Variants in SNRNP200 observed in about 807,000 individuals in gnomAD.
The protein encoded by SNRNP200 is small nuclear ribonucleoprotein U5 subunit 200.
SNRNP200 carries 66 observed loss-of-function variants against 255.2 expected under a neutral mutation model. The observed-to-expected ratio is 0.26, with a 90% CI of 0.21 to 0.32. The LOEUF (loss-of-function observed/expected upper bound fraction) is 0.32. Ranked by LOEUF, SNRNP200 falls within the 10% of genes least tolerant of loss-of-function variation. The pLI is 1.00. For missense variants in SNRNP200, 1,585 were observed against 2,749.8 expected (o/e 0.58, Z 9.47); for synonymous variants, 939 against 1,027.8 (o/e 0.91, Z 1.65).
chr2:96,298,987 T>C lies in SNRNP200; in HGVS notation c.730-20A>G, dbSNP rs1372437516. ...TACGAGCTATAAAAGTAACCAGGCA[T>C]TTAGCTCACCAGGTCTCTGCCAGCC... On this transcript the variant is annotated intron_variant, in intron 6 of 44. Coordinates refer to ENST00000323853, the MANE Select transcript of SNRNP200 (RefSeq NM_014014.5). The C allele has an allele frequency of 1.2e-5, 19 of 1,613,560 alleles. No individual in the cohort carries two copies. Among genetic ancestry groups the C allele is most frequent in the Admixed American group, 1.7e-5 (1 of 59,998 alleles).
intron 21 of SNRNP200, 27 bp downstream of exon 21, chr2:96,289,772 T>C: frequency 6.2e-7 from 1 of 1,612,054 alleles, no homozygotes; most frequent in East Asian, 2.2e-5. Context: ...GCTGAGACCT[T>C]TGCCTCAAAA....
At chr2:96,292,865 T>G (rs2063892215) in intron 16 of SNRNP200, 107 bp downstream of exon 16, 1 of 1,341,396 alleles carries the variant, frequency 7.5e-7, no homozygotes, top group Admixed American at 1.7e-5. Flanking sequence ...ATTGGTGATT[T>G]ATGTTGTGTC....
At chr2:96,298,475 C>A in intron 8 of SNRNP200, 55 bp from the exon 9 acceptor site, 1 of 1,612,846 alleles carries the variant, frequency 6.2e-7, no homozygotes, top group Non-Finnish European at 8.5e-7. Context: ...AGGCAAAAAA[C>A]CATCCTCAGG....
chr2:96,296,386 G>T, intron 13 of SNRNP200, 150 bp downstream of exon 13: 1 of 794,488 alleles, frequency 1.3e-6, no homozygotes, highest in Non-Finnish European at 2.1e-6. Flanking sequence ...GTTCCATCTT[G>T]GAAATGGGGA....
chr2:96,296,887 T>C, intron 12 of SNRNP200, 46 bp downstream of exon 12: 1 of 1,613,536 alleles, frequency 6.2e-7, no homozygotes, highest in Non-Finnish European at 8.5e-7. Flanking sequence ...CAACGGAAAC[T>C]CCACACCATA....
chr2:96,295,458 C>T, intron 14 of SNRNP200, 30 bp downstream of exon 14: 1 of 1,612,608 alleles, frequency 6.2e-7, no homozygotes, highest in Non-Finnish European at 8.5e-7. Context: ...CACAACTGGA[C>T]TCTATATTCT....
At chr2:96,303,416 C>T in intron 2 of SNRNP200, 86 bp from the exon 3 acceptor site, 1 of 1,484,168 alleles carries the variant, frequency 6.7e-7, no homozygotes, top group Non-Finnish European at 9.4e-7. Context: ...CTCTCCTCAG[C>T]TTCATGGCAA....
intron 35 of SNRNP200, among the ~76,000 whole-genome samples, chr2:96,280,688 T>G (rs1001841757): frequency 2.0e-5 from 3 of 151,672 alleles, no homozygotes; most frequent in Non-Finnish European, 2.9e-5. Flanking sequence ...TAGCTGGGAT[T>G]ACAGGCGCGT....
intron 30 of SNRNP200, 63 bp from the exon 31 acceptor site, chr2:96,284,648 GA>G: frequency 8.4e-7 from 1 of 1,184,448 alleles, no homozygotes; most frequent in Non-Finnish European, 1.3e-6. Context: ...TCACTTATGT[GA>G]GGAAAACCTG....
At position 96,289,266 on chromosome 2, in the gene SNRNP200, G is replaced by C; in HGVS notation, c.3054C>G (p.Phe1018Leu). 6.2e-7 allele frequency: 1 copy of C among 1,614,240 alleles called. No homozygotes were observed. ...TLSEIELFRV[F>L]SLSSEFKNIT... ...TGTTCTTGAACTCAGAGGACAATGA[G>C]AAGACCCTGAAAAGCTCAATCTCAC... The change falls in exon 22 of 45, where the codon TTC (phenylalanine) becomes TTG (leucine). Residue 1018 changes from phenylalanine (F) to leucine (L), a missense_variant. Physicochemically the swap from Phe to Leu is conservative, Grantham distance 22. Coordinates refer to ENST00000323853, the MANE Select transcript of SNRNP200 (RefSeq NM_014014.5).
chr2:96,282,764 A>G (rs955067313), intron 34 of SNRNP200: 28 of 288,008 alleles, frequency 9.7e-5, no homozygotes, highest in Middle Eastern at 1.2e-3. Flanking sequence ...AGGCCTTCCC[A>G]GAAGCAGATA....
chr2:96,286,681 C>T lies in SNRNP200; in HGVS notation c.3829+7G>A. On this transcript the variant is annotated splice_region_variant and intron_variant, in intron 28 of 44. Coordinates refer to ENST00000323853, the MANE Select transcript of SNRNP200 (RefSeq NM_014014.5). This position sits in a 1 kb window ranked among gnomAD's most constrained non-coding sequence, Gnocchi z 4.8. ...GTTCCTGGGGACTCTGGAGAGGAGA[C>T]ACTCACAGAGCCAGCGGTCAGACAC... 1 of 1,613,040 alleles carries T rather than the reference C, an allele frequency of 6.2e-7. No individual in the cohort carries two copies. The highest frequency in any genetic ancestry group is 8.5e-7 in the Non-Finnish European group (1 of 1,179,918).
At chr2:96,301,129 C>G in intron 4 of SNRNP200, 76 bp from the exon 5 acceptor site, 2 of 1,191,846 alleles carry the variant, frequency 1.7e-6, no homozygotes, top group South Asian at 2.4e-5. Context: ...CAATGTCCTC[C>G]CCGACTACCT....
chr2:96,291,310 A>G lies in SNRNP200; in HGVS notation c.2421+82T>C. The G allele has an allele frequency of 1.2e-6, 1 of 855,988 alleles. No homozygotes were observed. The highest frequency in any genetic ancestry group is 2.0e-6 in the Non-Finnish European group (1 of 490,308). 53.0% of individuals were successfully genotyped at this position (855,988 alleles called of 1,614,324 possible). A position where few individuals can be genotyped will look rare whatever the true frequency, so the allele number is the denominator to read the frequency against. ...GGGCCAGAAGCAATAAAGTACCAGG[A>G]GCAAACATGGCACAAACTTGACATT... On this transcript the variant is annotated intron_variant, in intron 18 of 44. Coordinates refer to ENST00000323853, the MANE Select transcript of SNRNP200 (RefSeq NM_014014.5). The surrounding 1 kb of genome is among the most constrained non-coding windows in gnomAD (Gnocchi z 4.2).
chr2:96,279,177 C>T (rs1054251805), intron 36 of SNRNP200, 179 bp from the exon 37 acceptor site: 3 of 671,150 alleles, frequency 4.5e-6, no homozygotes, highest in Non-Finnish European at 8.0e-6. Context: ...AACAGAGGTA[C>T]AGCAAGTCAC....
Position 96,299,313 on chromosome 2 carries a change from A to G in SNRNP200, c.729+16T>C. ...AAGTAACCTTGTAGCAATGAGGAAG[A>G]GCAAACTGAACTTACATTAGCCGAG... On this transcript the variant is annotated intron_variant, in intron 6 of 44. Transcript: ENST00000323853. 6.2e-7 allele frequency: 1 copy of G among 1,610,748 alleles called. No homozygotes were observed. Among genetic ancestry groups the G allele is most frequent in the Non-Finnish European group, 8.5e-7 (1 of 1,177,052 alleles).
chr2:96,281,746 G>C lies in SNRNP200; in HGVS notation c.5024+68C>G. ...TTCTTCATCCTAGCTTACTTTCTGTGTATCTGCAGATTCACATTCATTTTA... is the reference window on the plus strand; with the variant it reads ...TTCTTCATCCTAGCTTACTTTCTGTCTATCTGCAGATTCACATTCATTTTA... On this transcript the variant is annotated intron_variant, in intron 35 of 44. Transcript: ENST00000323853. 4 of 1,219,302 alleles carry C rather than the reference G, an allele frequency of 3.3e-6. 1 individual carries two copies. The Admixed American group carries it at 6.7e-5, about 20-fold the overall frequency. 75.5% of individuals were successfully genotyped at this position (1,219,302 alleles called of 1,614,324 possible).
intron 30 of SNRNP200, 78 bp from the exon 31 acceptor site, chr2:96,284,663 T>C (rs2063831739): frequency 3.0e-6 from 3 of 992,236 alleles, no homozygotes; most frequent in Non-Finnish European, 4.8e-6. Flanking sequence ...AAACCTGAGA[T>C]GCCAAACAGA....
At position 96,305,506 on chromosome 2, in the gene SNRNP200, T is replaced by A. The variant is rs1009287181; in HGVS notation, c.-69A>T. The A allele has an allele frequency of 1.9e-6, 3 of 1,601,682 alleles. No individual in the cohort carries two copies. The African/African-American group carries it at 4.0e-5, about 21-fold the overall frequency. On this transcript the variant is annotated 5_prime_UTR_variant, in exon 1 of 45. Transcript: ENST00000323853. The stretch of plus-strand genomic sequence containing the variant: ...CGCAAGCTGCAAACGGCCGCAGATC[T>A]CTGCTCCCGCCGCGCCGGAACGACG...
Sources: allele counts gnomAD v4.1 joint callset (sites outside exome capture counted in the v4.1 genomes callset), GRCh38; gene constraint gnomAD v4.1.1; non-coding constraint Gnocchi (gnomAD v3.1); transcripts MANE v1.5; gene names NCBI Gene and HGNC (gene_info 2026-07-23, HGNC 2026-07-21).